DLD: variants seen among roughly 807,000 people sequenced by gnomAD.
The protein encoded by DLD is dihydrolipoyl dehydrogenase, mitochondrial.
In DLD, 36 loss-of-function variants were observed where a neutral mutation model predicts 62.2. The observed-to-expected ratio is 0.58, with a 90% CI of 0.44 to 0.76. The LOEUF is 0.76. DLD is among the 30% of genes least tolerant of loss of function. The probability of loss-of-function intolerance (pLI) is 0.00; values close to 1 mark genes in which losing one functional copy is unlikely to be tolerated. For synonymous variants in DLD, 204 were observed against 199.6 expected (o/e 1.02, Z -0.19); for missense variants, 541 against 608.6 (o/e 0.89, Z 1.17).
intron 5 of DLD, among the ~76,000 whole-genome samples, chr7:107,903,965 AGT>A (rs1042494103): frequency 2.0e-5 from 3 of 152,218 alleles, no homozygotes; most frequent in African/African-American, 2.4e-5. Flanking sequence ...GGAGAGAAAG[AGT>A]GAGGCATAGC....
intron 10 of DLD, 87 bp from the exon 11 acceptor site, chr7:107,917,186 C>A: frequency 2.0e-6 from 3 of 1,507,912 alleles, no homozygotes; most frequent in Non-Finnish European, 1.8e-6. Context: ...GACTTGTTTA[C>A]TGGAAACTTT....
Position 107,915,488 on chromosome 7 carries a change from T to C in DLD, c.685-18T>C. 6.2e-7 allele frequency: 1 copy of C among 1,613,240 alleles called. No individual in the cohort carries two copies. The highest frequency in any genetic ancestry group is 1.3e-5 in the African/African-American group (1 of 75,016). On this transcript the variant is annotated intron_variant, in intron 8 of 13. Transcript: ENST00000205402. Reference sequence around the variant, plus strand: ...TAGAAACTTTTATGATTATTGGGTTTTTTTAATTTATTTGCAGGGTTCAGT... The same window carrying C: ...TAGAAACTTTTATGATTATTGGGTTCTTTTAATTTATTTGCAGGGTTCAGT...
intron 4 of DLD, among the ~76,000 whole-genome samples, chr7:107,902,651 C>G (rs1261063684): frequency 1.3e-5 from 2 of 152,220 alleles, no homozygotes; most frequent in Non-Finnish European, 2.9e-5. Flanking sequence ...CAAACAGACT[C>G]TGATGTTCTA....
At chr7:107,902,158 G>GTTT (rs1375033587) in intron 3 of DLD, among the ~76,000 whole-genome samples, 167 bp from the exon 4 acceptor site, 4 of 151,280 alleles carry the variant, frequency 2.6e-5, no homozygotes, top group Non-Finnish European at 5.9e-5. Flanking sequence ...GCCCAAAAGT[G>GTTT]TTTATTATTA....
In DLD at chr7:107,893,207, A is replaced by G. The variant is rs923756396; in HGVS notation, c.47A>G (p.His16Arg). ...RVYCSLAKRG[H>R]FNRISHGLQG... Reference sequence around the variant, plus strand: ...GACATTTTCTTTTTCTAGAGAGGCCATTTCAATCGAATATCTCATGGCCTA... The same window carrying G: ...GACATTTTCTTTTTCTAGAGAGGCCGTTTCAATCGAATATCTCATGGCCTA... The change falls in exon 2 of 14, where the codon CAT becomes CGT. Residue 16 changes from histidine to arginine, a missense_variant. Physicochemically the swap from His to Arg is conservative, Grantham distance 29 (BLOSUM62 0). Coordinates refer to ENST00000205402, the MANE Select transcript of DLD (RefSeq NM_000108.5). 6.2e-7 allele frequency: 1 copy of G among 1,613,624 alleles called. No homozygotes were observed. The highest frequency in any genetic ancestry group is 1.3e-5 in the African/African-American group (1 of 75,040).
rs924539837 is a variant in DLD at position 107,919,599 on chromosome 7, T to C, written c.*340T>C. On this transcript the variant is annotated 3_prime_UTR_variant, in exon 14 of 14. Coordinates refer to ENST00000205402, the MANE Select transcript of DLD (RefSeq NM_000108.5). ...TCTCTGATACAGAAAAGTTGAATTT[T>C]ACATGGCTGGAGCTAGAATTTGATA... 8 of 221,766 alleles carry C rather than the reference T, an allele frequency of 3.6e-5. No individual in the cohort carries two copies. The highest frequency in any genetic ancestry group is 1.6e-4 in the African/African-American group (7 of 42,478). 13.7% of individuals were successfully genotyped at this position (221,766 alleles called of 1,614,324 possible).
intron 8 of DLD, among the ~76,000 whole-genome samples, chr7:107,907,628 A>T (rs766261767): frequency 3.3e-5 from 5 of 152,210 alleles, no homozygotes; most frequent in Non-Finnish European, 7.4e-5. Context: ...TTGGTAGCAC[A>T]TCATCTGCCT....
intron 8 of DLD, among the ~76,000 whole-genome samples, chr7:107,909,563 A>G (rs1047238374): frequency 1.3e-5 from 2 of 152,222 alleles, no homozygotes; most frequent in African/African-American, 4.8e-5. Context: ...TGATATCAAA[A>G]TATACTACAT....
intron 5 of DLD, chr7:107,904,687 A>G (rs1190204330): frequency 1.8e-6 from 1 of 541,714 alleles, no homozygotes; most frequent in African/African-American, 1.9e-5. Flanking sequence ...TAAAGTGTTC[A>G]GAGGATATGT....
intron 10 of DLD, 56 bp downstream of exon 10, chr7:107,917,020 A>G (rs2032287774): frequency 6.4e-7 from 1 of 1,561,882 alleles, no homozygotes; most frequent in Admixed American, 1.7e-5. Flanking sequence ...TTCAAACAGT[A>G]TTTTGAAAAG....
intron 2 of DLD, among the ~76,000 whole-genome samples, chr7:107,896,066 G>A (rs149814407): frequency 6.6e-6 from 1 of 152,288 alleles, no homozygotes; most frequent in Non-Finnish European, 1.5e-5. Flanking sequence ...TAAACTGCAT[G>A]GTATTGGTGA....
At chr7:107,897,911 G>A (rs185502078) in intron 2 of DLD, among the ~76,000 whole-genome samples, 2 of 152,182 alleles carry the variant, frequency 1.3e-5, no homozygotes, top group East Asian at 3.9e-4. Flanking sequence ...CAATTGATTT[G>A]TAACACAATA....
chr7:107,908,799 A>G (rs1045304370), intron 8 of DLD, among the ~76,000 whole-genome samples: 20 of 152,130 alleles, frequency 1.3e-4, no homozygotes, highest in African/African-American at 4.8e-4. Context: ...TTTCCATAGT[A>G]CCCACTAATA....
intron 2 of DLD, among the ~76,000 whole-genome samples, chr7:107,894,910 G>A (rs1454237746): frequency 6.6e-6 from 1 of 152,230 alleles, no homozygotes; most frequent in Non-Finnish European, 1.5e-5. Flanking sequence ...CCTCAGGAAT[G>A]CAAACTTCAT....
intron 2 of DLD, among the ~76,000 whole-genome samples, chr7:107,901,404 T>A (rs2031871754): frequency 6.6e-6 from 1 of 152,138 alleles, no homozygotes; most frequent in South Asian, 2.1e-4. Context: ...TACATACTTG[T>A]CTTCCAGTAT....
chr7:107,907,019 T>C (rs1217847633), intron 8 of DLD, among the ~76,000 whole-genome samples: 1 of 152,240 alleles, frequency 6.6e-6, no homozygotes, highest in Non-Finnish European at 1.5e-5. Context: ...CATAGTGTAC[T>C]TTGTACCCTT....
At chr7:107,904,297 T>C (rs13226236) in intron 5 of DLD, among the ~76,000 whole-genome samples, 48,137 of 152,108 alleles carry the variant, frequency 0.32, 8,937 homozygotes, top group Non-Finnish European at 0.41. Flanking sequence ...GAGACCTGCA[T>C]TGTAGGCAAG....
intron 1 of DLD, 38 bp downstream of exon 1, chr7:107,891,327 G>T (rs2031565853): frequency 6.2e-7 from 1 of 1,613,170 alleles, no homozygotes; most frequent in Admixed American, 1.7e-5. Flanking sequence ...TGAGCCAGAG[G>T]CACGGAAGGT....
chr7:107,900,995 CT>C (rs1172072668), intron 2 of DLD, among the ~76,000 whole-genome samples: 1 of 152,052 alleles, frequency 6.6e-6, no homozygotes, highest in African/African-American at 2.4e-5. Context: ...CCTAAGGATA[CT>C]GATCAAAATT....
Sources: allele counts gnomAD v4.1 joint callset (sites outside exome capture counted in the v4.1 genomes callset), GRCh38; gene constraint gnomAD v4.1.1; transcripts MANE v1.5; gene names NCBI Gene and HGNC (gene_info 2026-07-23, HGNC 2026-07-21).